The following EVC2 variants were observed in gnomAD, a reference collection of about 807,000 sequenced individuals.
EVC2 encodes the protein EvC ciliary complex subunit 2.
Under a neutral mutation model 149.3 loss-of-function variants are expected in EVC2, and 148 were observed. The observed-to-expected ratio is 0.99, with a 90% CI of 0.87 to 1.14. The LOEUF (loss-of-function observed/expected upper bound fraction) is 1.14. Ranked by LOEUF, EVC2 falls within the 50% of genes most tolerant of loss-of-function variation. EVC2 has a pLI of 0.00. For synonymous variants in EVC2, 776 were observed against 649.9 expected (o/e 1.19, Z -2.95); for missense variants, 1,854 against 1,627.3 (o/e 1.14, Z -2.40).
intron 16 of EVC2, among the ~76,000 whole-genome samples, chr4:5,601,423 T>C (rs544210610): frequency 2.0e-5 from 3 of 151,888 alleles, no homozygotes; most frequent in Non-Finnish European, 2.9e-5. Flanking sequence ...TAGAAATTGA[T>C]TGAAAACATA....
At chr4:5,702,173 G>A (rs925125472) in intron 1 of EVC2, among the ~76,000 whole-genome samples, 5 of 152,058 alleles carry the variant, frequency 3.3e-5, no homozygotes, top group African/African-American at 7.2e-5. Flanking sequence ...CACTCCATTC[G>A]GGGATCCGCT....
the EVC2 span, among the ~76,000 whole-genome samples, chr4:5,529,919 G>A: frequency 7.9e-5 from 12 of 151,072 alleles, no homozygotes; most frequent in African/African-American, 2.7e-4. The surrounding 1 kb of genome is among the most constrained non-coding windows in gnomAD (Gnocchi z 4.5). Flanking sequence ...CGGTGCAAGC[G>A]ATTCTCCTGC....
chr4:5,662,136 C>T (rs901547844), intron 9 of EVC2, among the ~76,000 whole-genome samples: 1 of 152,190 alleles, frequency 6.6e-6, no homozygotes, highest in Admixed American at 6.5e-5. Context: ...CACTTGGCTA[C>T]TGACATCTCA....
At chr4:5,593,715 G>C (rs1260688858) in intron 16 of EVC2, among the ~76,000 whole-genome samples, 1 of 152,114 alleles carries the variant, frequency 6.6e-6, no homozygotes, top group East Asian at 1.9e-4. Context: ...CCAGACACTG[G>C]GCGCAGGACA....
chr4:5,551,616 G>T (rs1305975524), intron 21 of EVC2, among the ~76,000 whole-genome samples: 1 of 152,182 alleles, frequency 6.6e-6, no homozygotes, highest in Non-Finnish European at 1.5e-5. Context: ...GCTGAAATGA[G>T]TTAAGACTTT....
Position 5,637,122 on chromosome 4 carries a change from G to A in EVC2, c.1470+3392C>T, listed in dbSNP as rs1487689821. ...GGGTCAGGAAGCCCTGAGGAGGAGA[G>A]GGACTGCGTGACAGATGGGAGTAGG... On this transcript the variant is annotated intron_variant, in intron 10 of 21. Coordinates refer to ENST00000344408, the MANE Select transcript of EVC2 (RefSeq NM_147127.5). This position sits in a 1 kb window ranked among gnomAD's most constrained non-coding sequence, Gnocchi z 4.4. Among the ~76,000 whole-genome samples, 1 of 152,160 alleles carries A rather than the reference G, an allele frequency of 6.6e-6. No homozygotes were observed. The highest frequency in any genetic ancestry group is 1.9e-4 in the East Asian group (1 of 5,188).
At chr4:5,652,719 G>A (rs1226203244) in intron 9 of EVC2, among the ~76,000 whole-genome samples, 2 of 152,184 alleles carry the variant, frequency 1.3e-5, no homozygotes, top group Non-Finnish European at 2.9e-5. Context: ...ACTAGAGGAT[G>A]CATCATTGGG....
chr4:5,685,595 C>T, intron 5 of EVC2, 116 bp from the exon 6 acceptor site: 1 of 796,474 alleles, frequency 1.3e-6, no homozygotes, highest in South Asian at 1.5e-5. Flanking sequence ...AGGGAGGCCA[C>T]CATGGCAGTG....
chr4:5,621,824 A>G (rs1715708557), intron 14 of EVC2, among the ~76,000 whole-genome samples: 2 of 152,218 alleles, frequency 1.3e-5, no homozygotes. Context: ...AGCCTGGGCA[A>G]CAGGGTGAGA....
At chr4:5,672,320 C>A (rs557945169) in intron 7 of EVC2, among the ~76,000 whole-genome samples, 2 of 152,318 alleles carry the variant, frequency 1.3e-5, no homozygotes, top group East Asian at 3.9e-4. Flanking sequence ...CCTTCGAGAG[C>A]AGGTTAGGGA....
intron 16 of EVC2, among the ~76,000 whole-genome samples, chr4:5,595,660 C>A (rs993265421): frequency 6.6e-6 from 1 of 152,152 alleles, no homozygotes; most frequent in Admixed American, 6.5e-5. Flanking sequence ...ACTGCATCAA[C>A]TAACGAGCAA....
intron 11 of EVC2, 22 bp from the exon 12 acceptor site, chr4:5,628,756 A>C (rs779376463): frequency 1.4e-4 from 217 of 1,591,390 alleles, no homozygotes; most frequent in Non-Finnish European, 1.8e-4. Context: ...AAAAAAAAAC[A>C]AGAAAATATG....
At chr4:5,605,006 T>G (rs973106342) in intron 16 of EVC2, among the ~76,000 whole-genome samples, 4 of 152,022 alleles carry the variant, frequency 2.6e-5, no homozygotes, top group African/African-American at 9.7e-5. Context: ...AAGACCTTTA[T>G]GATGATCCAC....
chr4:5,684,930 G>A (rs559710450), intron 6 of EVC2, among the ~76,000 whole-genome samples: 1 of 152,326 alleles, frequency 6.6e-6, no homozygotes, highest in South Asian at 2.1e-4. Flanking sequence ...ACAGGTCTCA[G>A]AAGGAATCAG....
chr4:5,610,474 C>T (rs892012460), intron 16 of EVC2, among the ~76,000 whole-genome samples: 9 of 152,184 alleles, frequency 5.9e-5, no homozygotes, highest in African/African-American at 2.2e-4. Context: ...CTGGCCAGTT[C>T]TTCCTCCAGT....
intron 17 of EVC2, among the ~76,000 whole-genome samples, chr4:5,583,671 T>C (rs1156260036): frequency 6.6e-6 from 1 of 152,182 alleles, no homozygotes; most frequent in Non-Finnish European, 1.5e-5. Flanking sequence ...TAAAAAACTC[T>C]ACTGCATCTA....
chr4:5,678,916 A>G lies in EVC2; in HGVS notation c.870+2344T>C, dbSNP rs1375251591. 3.9e-5 allele frequency among the ~76,000 whole-genome samples: 6 copies of G among 152,206 alleles called. No homozygotes were observed. In the East Asian group the frequency reaches 1.2e-3, roughly 30 times the overall value. On this transcript the variant is annotated intron_variant, in intron 7 of 21. Coordinates refer to ENST00000344408, the MANE Select transcript of EVC2 (RefSeq NM_147127.5). ...TGTGGTGGTGGGTGCCTGTAATCCCAGCTACTTGGGAGGCTGAGGCAGGAG... is the reference window on the plus strand; with the variant it reads ...TGTGGTGGTGGGTGCCTGTAATCCCGGCTACTTGGGAGGCTGAGGCAGGAG...
Position 5,640,174 on chromosome 4 carries a change from G to A in EVC2, c.1470+340C>T, listed in dbSNP as rs928049667. On this transcript the variant is annotated intron_variant, in intron 10 of 21. Coordinates refer to ENST00000344408, the MANE Select transcript of EVC2 (RefSeq NM_147127.5). This position sits in a 1 kb window ranked among gnomAD's most constrained non-coding sequence, Gnocchi z 4.6. Reference sequence around the variant, plus strand: ...GATGGGTGGCATGGATGGGAGGGTGGATAAATGAGTAGGTGGATGAACAGA... The same window carrying A: ...GATGGGTGGCATGGATGGGAGGGTGAATAAATGAGTAGGTGGATGAACAGA... Among the ~76,000 whole-genome samples the A allele has an allele frequency of 6.6e-6, 1 of 152,002 alleles. No homozygotes were observed. The highest frequency in any genetic ancestry group is 2.4e-5 in the African/African-American group (1 of 41,380).
At chr4:5,652,975 G>A (rs115940786) in intron 9 of EVC2, among the ~76,000 whole-genome samples, 1 of 152,134 alleles carries the variant, frequency 6.6e-6, no homozygotes, top group Non-Finnish European at 1.5e-5. Context: ...AACTCAAGGT[G>A]TTGGCAGGGA....
Sources: gnomAD v4.1 joint callset for allele counts (sites outside exome capture counted in the v4.1 genomes callset) on GRCh38, gnomAD v4.1.1 for gene constraint, Gnocchi (gnomAD v3.1) non-coding constraint, MANE v1.5 for transcripts, NCBI Gene and HGNC (gene_info 2026-07-23, HGNC 2026-07-21) for gene names.